Variants in FAM13B observed in about 807,000 individuals in gnomAD.
The protein encoded by FAM13B is family with sequence similarity 13 member B.
FAM13B carries 60 observed loss-of-function variants against 117.3 expected under a neutral mutation model. That is an observed-to-expected ratio of 0.51 (90% CI 0.42 to 0.63). The LOEUF (loss-of-function observed/expected upper bound fraction) is 0.63, where lower values mean the gene tolerates loss of function less well. FAM13B is among the 30% of genes least tolerant of loss of function. The pLI is 0.00. For synonymous variants in FAM13B, 332 were observed against 356.1 expected (o/e 0.93, Z 0.76); for missense variants, 972 against 1,091.9 (o/e 0.89, Z 1.55).
At chr5:138,012,725 T>A (rs753313126) in intron 4 of FAM13B, among the ~76,000 whole-genome samples, 6 of 152,220 alleles carry the variant, frequency 3.9e-5, no homozygotes, top group Non-Finnish European at 7.3e-5. Context: ...TGATTTATTG[T>A]GCTACATGAG....
intron 1 of FAM13B, among the ~76,000 whole-genome samples, chr5:138,038,945 A>G (rs370340435): frequency 3.9e-4 from 59 of 152,324 alleles, no homozygotes; most frequent in African/African-American, 1.3e-3. Context: ...CAAAGTTAAC[A>G]TAATGTGGAT....
intron 7 of FAM13B, among the ~76,000 whole-genome samples, chr5:137,993,452 C>T (rs1418462087): frequency 6.6e-6 from 1 of 151,874 alleles, no homozygotes; most frequent in South Asian, 2.1e-4. Context: ...CATAGCAAAA[C>T]CGCATCTATT....
chr5:137,987,585 C>A lies in FAM13B; in HGVS notation c.922G>T (p.Glu308Ter). ...ILERTIRAAV[E>*]QHLFDLQSSI... ...CTCTGAAGATCAAAAAGGTGCTGTT[C>A]CACAGCTGCTCTAATTGTTCTTTCT... The change falls in exon 9 of 24, where the codon GAA becomes TAA. Residue 308 changes from glutamate (E) to a stop codon, truncating the protein, a stop_gained. Transcript: ENST00000689681. LOFTEE classifies it high-confidence loss of function. The A allele has an allele frequency of 6.2e-7, 1 of 1,612,680 alleles. No homozygotes were observed. Among genetic ancestry groups the A allele is most frequent in the Non-Finnish European group, 8.5e-7 (1 of 1,179,442 alleles).
intron 7 of FAM13B, among the ~76,000 whole-genome samples, chr5:137,993,849 C>G (rs1299542679): frequency 6.6e-6 from 1 of 151,928 alleles, no homozygotes; most frequent in African/African-American, 2.4e-5. Flanking sequence ...AAGGTAGATT[C>G]CAAGTTCCCA....
In FAM13B at chr5:137,940,220, G is replaced by A. The variant is rs750386837; in HGVS notation, c.*5C>T. On this transcript the variant is annotated 3_prime_UTR_variant, in exon 24 of 24. Coordinates refer to ENST00000689681, the MANE Select transcript of FAM13B (RefSeq NM_001385994.1). ...TTTATGATATGAATTTTCAAGGAAC[G>A]TATCTTATATGGATTTTGAAGAATC... The A allele has an allele frequency of 3.1e-6, 5 of 1,613,678 alleles. No homozygotes were observed. The South Asian group carries it at 4.4e-5, about 14-fold the overall frequency.
chr5:137,959,460 C>T (rs1451924036), intron 13 of FAM13B, among the ~76,000 whole-genome samples, 156 bp downstream of exon 13: 1 of 152,144 alleles, frequency 6.6e-6, no homozygotes, highest in African/African-American at 2.4e-5. Flanking sequence ...GTGTGTTTCA[C>T]TAAAAACACC....
At chr5:137,966,459 TTATA>T (rs373885448) in intron 10 of FAM13B, among the ~76,000 whole-genome samples, 1,083 of 50,170 alleles carry the variant, frequency 0.022, 30 homozygotes, top group African/African-American at 0.052. Context: ...GAAATAGATT[TTATA>T]TATATATATA....
chr5:137,942,467 C>A, intron 22 of FAM13B: 1 of 209,340 alleles, frequency 4.8e-6, no homozygotes, highest in South Asian at 1.0e-4. Context: ...ATCAAGTGAT[C>A]CTCTTGCCTC....
intron 23 of FAM13B, 34 bp from the exon 24 acceptor site, chr5:137,940,382 A>G: frequency 6.6e-7 from 1 of 1,511,676 alleles, no homozygotes; most frequent in Non-Finnish European, 9.0e-7. Flanking sequence ...AATGTTCTAG[A>G]GATCATTTGG....
chr5:137,946,116 A>G (rs1763354317), intron 19 of FAM13B, 112 bp downstream of exon 19: 4 of 1,219,114 alleles, frequency 3.3e-6, no homozygotes, highest in African/African-American at 1.5e-5. Context: ...GCAATCCCCC[A>G]ATTGTAGGAA....
chr5:138,009,235 A>G (rs1045281794), intron 6 of FAM13B, among the ~76,000 whole-genome samples: 3 of 152,252 alleles, frequency 2.0e-5, no homozygotes, highest in Non-Finnish European at 4.4e-5. Context: ...CGTTGTGTTT[A>G]TAAATGTCTT....
At chr5:137,987,673 A>G in intron 8 of FAM13B, 57 bp from the exon 9 acceptor site, 1 of 1,524,976 alleles carries the variant, frequency 6.6e-7, no homozygotes, top group Non-Finnish European at 8.9e-7. Flanking sequence ...ATCTGGTGAC[A>G]CAGACATAAA....
chr5:137,970,661 C>A (rs1771809786), intron 10 of FAM13B, among the ~76,000 whole-genome samples: 2 of 152,176 alleles, frequency 1.3e-5, no homozygotes, highest in African/African-American at 4.8e-5. Context: ...AGGGCACAGA[C>A]TGGCAAATTG....
chr5:138,035,635 G>A (rs1486309105), upstream of FAM13B, among the ~76,000 whole-genome samples: 2 of 152,160 alleles, frequency 1.3e-5, no homozygotes, highest in Non-Finnish European at 2.9e-5. Flanking sequence ...ATAGAGTCCT[G>A]TTGTCATTGA....
chr5:137,967,440 T>C (rs932125152), intron 10 of FAM13B, among the ~76,000 whole-genome samples: 1 of 152,008 alleles, frequency 6.6e-6, no homozygotes, highest in Admixed American at 6.6e-5. Flanking sequence ...AGAGAACTGC[T>C]TGAACCCAGG....
At chr5:137,976,637 T>TC (rs796069815) in intron 10 of FAM13B, among the ~76,000 whole-genome samples, 42 of 152,296 alleles carry the variant, frequency 2.8e-4, no homozygotes, top group African/African-American at 8.7e-4. Context: ...ATTTATTAGT[T>TC]CCCCAAATTA....
chr5:137,951,112 AGGT>A (rs1764831382), intron 17 of FAM13B, among the ~76,000 whole-genome samples: 2 of 140,184 alleles, frequency 1.4e-5, no homozygotes, highest in East Asian at 4.7e-4. Flanking sequence ...CGGGATGCTG[AGGT>A]GGGAGGATCG....
intron 14 of FAM13B, among the ~76,000 whole-genome samples, chr5:137,955,053 A>T (rs1422888459): frequency 7.9e-6 from 1 of 127,290 alleles, no homozygotes; most frequent in Non-Finnish European, 1.7e-5. Context: ...TTTTCAAAAG[A>T]TGTTTTATTT....
intron 1 of FAM13B, among the ~76,000 whole-genome samples, chr5:138,049,788 T>G (rs756015444): frequency 6.6e-6 from 1 of 152,054 alleles, no homozygotes; most frequent in Non-Finnish European, 1.5e-5. Context: ...TTCCAAAACC[T>G]AAAGAAAAAT....
Sources: allele counts gnomAD v4.1 joint callset (sites outside exome capture counted in the v4.1 genomes callset), GRCh38; gene constraint gnomAD v4.1.1; transcripts MANE v1.5; gene names NCBI Gene and HGNC (gene_info 2026-07-23, HGNC 2026-07-21).